PLOD2: variants seen among roughly 807,000 people sequenced by gnomAD.
PLOD2 encodes the protein procollagen-lysine,2-oxoglutarate 5-dioxygenase 2.
Under a neutral mutation model 101.0 loss-of-function variants are expected in PLOD2, and 65 were observed. The ratio of observed to expected loss-of-function variants is 0.64; its 90% CI spans 0.53 to 0.79. The LOEUF (loss-of-function observed/expected upper bound fraction) is 0.79. Among genes scored for constraint, PLOD2 ranks in the 30% least tolerant of loss-of-function variants. The probability of loss-of-function intolerance (pLI) is 0.00; values close to 1 mark genes in which losing one functional copy is unlikely to be tolerated. For synonymous variants in PLOD2, 314 were observed against 302.9 expected, an observed-to-expected ratio of 1.04 and a Z score of -0.38; for missense variants, 909 against 914.6, an observed-to-expected ratio of 0.99 and a Z score of 0.08.
At chr3:146,093,758 A>C (rs1457615335) in intron 7 of PLOD2, among the ~76,000 whole-genome samples, 5 of 152,180 alleles carry the variant, frequency 3.3e-5, no homozygotes, top group Admixed American at 2.0e-4. Context: ...TGTAAAATTT[A>C]TTTCATGAGT....
At chr3:146,089,340 A>G (rs1301416605) in intron 8 of PLOD2, among the ~76,000 whole-genome samples, 1 of 151,472 alleles carries the variant, frequency 6.6e-6, no homozygotes, top group African/African-American at 2.4e-5. Context: ...TGCACAAACA[A>G]TTCTGAAATA....
At chr3:146,129,746 T>TA (rs1321393167) in intron 1 of PLOD2, among the ~76,000 whole-genome samples, 1 of 152,158 alleles carries the variant, frequency 6.6e-6, no homozygotes, top group Non-Finnish European at 1.5e-5. Context: ...AGATTGTTTT[T>TA]AAAAATTATG....
At chr3:146,151,979 GTAT>G (rs2032078392) in intron 1 of PLOD2, among the ~76,000 whole-genome samples, 2 of 152,166 alleles carry the variant, frequency 1.3e-5, no homozygotes, top group Non-Finnish European at 2.9e-5. Flanking sequence ...TAAAAAAGTT[GTAT>G]TATGAGGGAA....
intron 7 of PLOD2, among the ~76,000 whole-genome samples, chr3:146,096,908 G>T (rs1197836063): frequency 8.4e-6 from 1 of 119,344 alleles, no homozygotes; most frequent in Non-Finnish European, 1.7e-5. Flanking sequence ...CAGCCGCCCC[G>T]TCCAGGAGGT....
chr3:146,157,224 G>A (rs1468044222), intron 1 of PLOD2, among the ~76,000 whole-genome samples: 1 of 152,138 alleles, frequency 6.6e-6, no homozygotes, highest in Non-Finnish European at 1.5e-5. Flanking sequence ...AGCAAAACCT[G>A]AGAATGTCTG....
chr3:146,150,598 G>A (rs2032009041), intron 1 of PLOD2, among the ~76,000 whole-genome samples: 1 of 152,222 alleles, frequency 6.6e-6, no homozygotes, highest in Non-Finnish European at 1.5e-5. Flanking sequence ...AGAGGAGACA[G>A]AGGAGCAAAG....
intron 8 of PLOD2, among the ~76,000 whole-genome samples, chr3:146,089,195 A>G (rs1936892401): frequency 1.3e-5 from 2 of 151,542 alleles, no homozygotes; most frequent in Admixed American, 1.3e-4. Context: ...ATTTCCTTTC[A>G]TTATTATATT....
At chr3:146,107,841 G>A (rs1027131619) in intron 4 of PLOD2, among the ~76,000 whole-genome samples, 3 of 151,352 alleles carry the variant, frequency 2.0e-5, no homozygotes, top group African/African-American at 7.3e-5. Context: ...ATGGGGTTTC[G>A]CCATGTTGGT....
intron 1 of PLOD2, among the ~76,000 whole-genome samples, chr3:146,136,903 G>T (rs1254101768): frequency 6.6e-6 from 1 of 152,070 alleles, no homozygotes; most frequent in Non-Finnish European, 1.5e-5. Flanking sequence ...ATTCTCAGAA[G>T]GTATCTTTGT....
At chr3:146,087,000 T>C in intron 9 of PLOD2, 92 bp from the exon 10 acceptor site, 1 of 657,490 alleles carries the variant, frequency 1.5e-6, no homozygotes, top group Non-Finnish European at 2.5e-6. Flanking sequence ...TTCAAGGTCA[T>C]GAATTCTACA....
In PLOD2 at chr3:146,076,632, G is replaced by A. The variant is rs145568770; in HGVS notation, c.1677+150C>T. On this transcript the variant is annotated intron_variant, in intron 15 of 19. Transcript: ENST00000282903. The stretch of plus-strand genomic sequence containing the variant: ...TTTTTAATAATAGCCATTCTGACTG[G>A]TGTGAGACAGTATCTCATTGTGGTT... 7.1e-4 allele frequency: 400 copies of A among 560,580 alleles called. 3 individuals are homozygous for A. The East Asian group carries it at 0.012, about 17-fold the overall frequency. The allele number at this position is 560,580 out of a possible 1,614,324, so 34.7% of individuals were successfully genotyped here. A position where few individuals can be genotyped will look rare whatever the true frequency, so the allele number is the denominator to read the frequency against.
Position 146,072,683 on chromosome 3 carries a change from T to C in PLOD2, c.1744-18A>G, listed in dbSNP as rs368810705. The C allele has an allele frequency of 1.4e-5, 20 of 1,403,612 alleles. No homozygotes were observed. The African/African-American group carries it at 2.1e-4, about 15-fold the overall frequency. The allele number at this position is 1,403,612 out of a possible 1,614,324, so 86.9% of individuals were successfully genotyped here. The stretch of plus-strand genomic sequence containing the variant: ...GGACAGGGCTATAAAATATGCATCA[T>C]CGTTAGAAGACATAATAACTTCTGT... On this transcript the variant is annotated intron_variant, in intron 16 of 19. Transcript: ENST00000282903.
intron 11 of PLOD2, among the ~76,000 whole-genome samples, chr3:146,083,573 T>TTTTTC (rs142922952): frequency 0.055 from 2,675 of 48,468 alleles, 138 homozygotes; most frequent in African/African-American, 0.14. Flanking sequence ...AGGTAAGTCT[T>TTTTTC]TTTCTTTTTT....
intron 15 of PLOD2, among the ~76,000 whole-genome samples, chr3:146,074,700 CAAGTTA>C (rs762179590): frequency 4.9e-5 from 6 of 121,666 alleles, no homozygotes; most frequent in African/African-American, 1.3e-4. Context: ...GATTTTTCTT[CAAGTTA>C]AAGTAAAAAA....
chr3:146,144,767 G>C (rs2108130361), intron 1 of PLOD2, among the ~76,000 whole-genome samples: 1 of 151,952 alleles, frequency 6.6e-6, no homozygotes, highest in South Asian at 2.1e-4. Context: ...TTGTAAATAA[G>C]ACAAATACAA....
At chr3:146,126,900 C>A (rs2030596603) in intron 1 of PLOD2, among the ~76,000 whole-genome samples, 1 of 150,942 alleles carries the variant, frequency 6.6e-6, no homozygotes, top group African/African-American at 2.5e-5. Context: ...TGCCTGCAAT[C>A]TGTTTTAAAG....
intron 7 of PLOD2, among the ~76,000 whole-genome samples, chr3:146,094,982 A>G (rs920277719): frequency 3.3e-5 from 5 of 152,334 alleles, no homozygotes; most frequent in Non-Finnish European, 7.3e-5. Context: ...AGGATTCCCT[A>G]TTTAATATGT....
At chr3:146,101,571 A>G (rs1937390345) in intron 7 of PLOD2, among the ~76,000 whole-genome samples, 1 of 152,224 alleles carries the variant, frequency 6.6e-6, no homozygotes, top group African/African-American at 2.4e-5. Context: ...AGATTTCACA[A>G]TGGACCTTAA....
At chr3:146,121,623 A>C (rs2030162639) in intron 2 of PLOD2, among the ~76,000 whole-genome samples, 1 of 152,146 alleles carries the variant, frequency 6.6e-6, no homozygotes, top group East Asian at 1.9e-4. Flanking sequence ...CTTTATGATC[A>C]ACATTGAAGC....
Sources: gnomAD v4.1 joint callset for allele counts (sites outside exome capture counted in the v4.1 genomes callset) on GRCh38, gnomAD v4.1.1 for gene constraint, MANE v1.5 for transcripts, NCBI Gene and HGNC (gene_info 2026-07-23, HGNC 2026-07-21) for gene names.